MYO15A: variants seen among roughly 807,000 people sequenced by gnomAD.
MYO15A encodes unconventional myosin-XV.
A neutral mutation model predicts 394.6 loss-of-function variants in MYO15A; 308 were observed. The ratio of observed to expected loss-of-function variants is 0.78; its 90% CI spans 0.71 to 0.86. The LOEUF is 0.86. Ranked by LOEUF, MYO15A falls within the 40% of genes least tolerant of loss-of-function variation. The probability of loss-of-function intolerance (pLI) is 0.00; values close to 1 mark genes in which losing one functional copy is unlikely to be tolerated. For synonymous variants in MYO15A, 1,957 were observed against 2,003.8 expected, an observed-to-expected ratio of 0.98 and a Z score of 0.62; for missense variants, 4,606 against 4,799.1, an observed-to-expected ratio of 0.96 and a Z score of 1.19.
At chr17:18,138,299 A>G in intron 17 of MYO15A, 53 bp downstream of exon 17, 2 of 1,592,330 alleles carry the variant, frequency 1.3e-6, no homozygotes, top group Non-Finnish European at 8.5e-7. Context: ...TCTCAGCCTC[A>G]TGTCCTCATC....
At chr17:18,123,185 G>A (rs1047886503) in intron 2 of MYO15A, 1 of 152,318 alleles carries the variant, frequency 6.6e-6, no homozygotes, top group African/African-American at 2.4e-5. Context: ...GGGGCAGCAG[G>A]TGCGTCTCAG....
Position 18,154,119 on chromosome 17 carries a change from C to G in MYO15A, c.8089-12C>G, listed in dbSNP as rs1006663611. Reference sequence around the variant, plus strand: ...CAGTCGGACAGTACCCACTGAAGCCCCGCCCCTGCAGGTGTTTTACCCCAA... The same window carrying G: ...CAGTCGGACAGTACCCACTGAAGCCGCGCCCCTGCAGGTGTTTTACCCCAA... On this transcript the variant is annotated splice_polypyrimidine_tract_variant and intron_variant, in intron 43 of 65. Coordinates refer to ENST00000647165, the MANE Select transcript of MYO15A (RefSeq NM_016239.4). 1 of 1,613,768 alleles carries G rather than the reference C, an allele frequency of 6.2e-7. No individual in the cohort carries two copies. The highest frequency in any genetic ancestry group is 8.5e-7 in the Non-Finnish European group (1 of 1,180,038).
In MYO15A at chr17:18,121,057, G is replaced by A. The variant is rs776096881; in HGVS notation, c.2257G>A (p.Ala753Thr). ...PSFRGSRRRGAAFGFPGASPR... is the reference protein window; with the variant it reads ...PSFRGSRRRGTAFGFPGASPR... ...GTTCAGGGGCTCCCGCCGGAGAGGGGCGGCTTTCGGCTTCCCCGGGGCCTC... is the reference window on the plus strand; with the variant it reads ...GTTCAGGGGCTCCCGCCGGAGAGGGACGGCTTTCGGCTTCCCCGGGGCCTC... The change falls in exon 2 of 66, where the codon GCG becomes ACG. Residue 753 changes from alanine (A) to threonine (T), a missense_variant. Transcript: ENST00000647165. The surrounding 1 kb of genome is among the most constrained non-coding windows in gnomAD (Gnocchi z 5.3). The A allele has an allele frequency of 1.3e-5, 20 of 1,507,756 alleles. No homozygotes were observed. The African/African-American group carries it at 1.7e-4, about 13-fold the overall frequency. 93.4% of individuals were successfully genotyped at this position (1,507,756 alleles called of 1,614,324 possible).
chr17:18,178,796 G>C lies in MYO15A; in HGVS notation c.10519G>C (p.Val3507Leu), dbSNP rs757305709. 1 of 1,613,942 alleles carries C rather than the reference G, an allele frequency of 6.2e-7. No individual in the cohort carries two copies. The highest frequency in any genetic ancestry group is 1.1e-5 in the South Asian group (1 of 91,080). ...ACTGGAACTGTGTCGTGTGGTGGCC[G>C]TGCACGTGGAGAACCTGCTCAGTGC... The part of the protein sequence containing the change: ...QGLELCRVVA[V>L]HVENLLSAHE... Residue 3507 changes from valine to leucine, a missense_variant, in exon 66 of 66, where the codon GTG becomes CTG. This residue lies in a region of MYO15A where 2,776 missense variants were observed against 3,109.3 expected (regional missense o/e 0.89). Coordinates refer to ENST00000647165, the MANE Select transcript of MYO15A (RefSeq NM_016239.4).
chr17:18,148,215 G>A lies in MYO15A; in HGVS notation c.6691+5G>A, dbSNP rs778501293. The A allele has an allele frequency of 1.2e-5, 20 of 1,613,376 alleles. No homozygotes were observed. Among genetic ancestry groups the A allele is most frequent in the Admixed American group, 1.7e-5 (1 of 60,004 alleles). ...TGGACGTGGGCTGCTTCAATGGTAA[G>A]CTGCCTTCCCCCACCTCAGTGAGGG... On this transcript the variant is annotated splice_donor_5th_base_variant and intron_variant, in intron 31 of 65. Transcript: ENST00000647165. This position sits in a 1 kb window ranked among gnomAD's most constrained non-coding sequence, Gnocchi z 4.8.
At chr17:18,133,788 C>G (rs930670565) in intron 12 of MYO15A, among the ~76,000 whole-genome samples, 1 of 151,824 alleles carries the variant, frequency 6.6e-6, no homozygotes, top group African/African-American at 2.4e-5. Flanking sequence ...TCCCGACTGC[C>G]TGGGATTACA....
chr17:18,137,571 A>G lies in MYO15A; in HGVS notation c.4780-13A>G. ...AGGAAGGACCAGTCCCAGCACCCCC[A>G]TCCACCTGGCAGGACCTGAGCTTCA... On this transcript the variant is annotated splice_polypyrimidine_tract_variant and intron_variant, in intron 15 of 65. Transcript: ENST00000647165. The G allele has an allele frequency of 6.2e-7, 1 of 1,612,884 alleles. No homozygotes were observed. Among genetic ancestry groups the G allele is most frequent in the Non-Finnish European group, 8.5e-7 (1 of 1,179,694 alleles).
chr17:18,115,478 C>CACA (rs2045772030), intron 1 of MYO15A, among the ~76,000 whole-genome samples: 1 of 152,058 alleles, frequency 6.6e-6, no homozygotes, highest in Non-Finnish European at 1.5e-5. Flanking sequence ...ATTAGCTGGG[C>CACA]GTGGCGGTGT....
intron 57 of MYO15A, 108 bp downstream of exon 57, chr17:18,161,555 T>A: frequency 1.4e-6 from 2 of 1,475,730 alleles, no homozygotes; most frequent in Non-Finnish European, 1.9e-6. Context: ...TCACAGGTGC[T>A]GAGCAATGTT....
chr17:18,157,931 G>GGGGGGGGGC, intron 51 of MYO15A, 31 bp downstream of exon 51: 4 of 412,708 alleles, frequency 9.7e-6, no homozygotes, highest in East Asian at 6.5e-5. Flanking sequence ...GTGGGGCGGG[G>GGGGGGGGGC]TAGACCAGGG....
Position 18,145,986 on chromosome 17 carries a change from C to T in MYO15A, c.6388C>T (p.Gln2130Ter). The T allele has an allele frequency of 6.2e-7, 1 of 1,613,848 alleles. No homozygotes were observed. The highest frequency in any genetic ancestry group is 1.7e-5 in the Admixed American group (1 of 60,008). The change falls in exon 30 of 66, where the codon CAG becomes TAG. Residue 2130 changes from glutamine (Q) to a stop codon, truncating the protein, a stop_gained. Coordinates refer to ENST00000647165, the MANE Select transcript of MYO15A (RefSeq NM_016239.4). LOFTEE classifies it high-confidence loss of function. ...TGAGCTGCGGGATGAGATCCTGGCACAGCTGGCCAATCAGGTGTGGCACAA... is the reference window on the plus strand; with the variant it reads ...TGAGCTGCGGGATGAGATCCTGGCATAGCTGGCCAATCAGGTGTGGCACAA... ...VPELRDEILAQLANQVWHNHN... is the reference protein window; with the variant it reads ...VPELRDEILA
At chr17:18,129,848 CTGCCCGTGAGA>C (rs2046119733) in intron 7 of MYO15A, among the ~76,000 whole-genome samples, 2 of 152,300 alleles carry the variant, frequency 1.3e-5, no homozygotes, top group South Asian at 4.1e-4. Flanking sequence ...CTGGGCAGCT[CTGCCCGTGAGA>C]TGGTATTCCT....
At chr17:18,137,512 C>A in intron 15 of MYO15A, 72 bp from the exon 16 acceptor site, 1 of 1,409,964 alleles carries the variant, frequency 7.1e-7, no homozygotes, top group Non-Finnish European at 1.0e-6. Flanking sequence ...GAAGTTGCCA[C>A]CAGGGAAGGT....
Position 18,141,718 on chromosome 17 carries a change from T to C in MYO15A, c.5597T>C (p.Leu1866Pro), listed in dbSNP as rs1240823956. ...AATGGGGACATGTGTGTGTCAGTGC[T>C]GAGTCGCCTGTGCAAAGTCATGCCA... ...PANGDMCVSV[L>P]SRLCKVMPNM... Residue 1866 changes from leucine (L) to proline (P), a missense_variant, in exon 23 of 66, where the codon CTG becomes CCG. Physicochemically the swap from Leu to Pro is moderately conservative, Grantham distance 98. Coordinates refer to ENST00000647165, the MANE Select transcript of MYO15A (RefSeq NM_016239.4). 6.2e-7 allele frequency: 1 copy of C among 1,613,994 alleles called. No homozygotes were observed. The highest frequency in any genetic ancestry group is 1.7e-5 in the Admixed American group (1 of 60,004).
chr17:18,165,280 A>T (rs2046836938), intron 60 of MYO15A, among the ~76,000 whole-genome samples: 1 of 152,152 alleles, frequency 6.6e-6, no homozygotes, highest in Non-Finnish European at 1.5e-5. Context: ...AAAAAACATA[A>T]ATATATTACC....
chr17:18,149,754 A>G, intron 35 of MYO15A, 174 bp downstream of exon 35: 2 of 700,954 alleles, frequency 2.9e-6, no homozygotes, highest in Non-Finnish European at 5.0e-6. Context: ...CTTCACAGCT[A>G]GAGATGCTCT....
rs760625450 is a variant in MYO15A at position 18,130,838 on chromosome 17, G to GTGTA, written c.4038+31_4038+32insATGT. The GTGTA allele has an allele frequency of 4.0e-6, 6 of 1,499,714 alleles. No homozygotes were observed. In the African/African-American group the frequency reaches 7.1e-5, roughly 18 times the overall value. The allele number at this position is 1,499,714 out of a possible 1,614,324, so 92.9% of individuals were successfully genotyped here. A position where few individuals can be genotyped will look rare whatever the true frequency, so the allele number is the denominator to read the frequency against. On this transcript the variant is annotated intron_variant, in intron 8 of 65. Coordinates refer to ENST00000647165, the MANE Select transcript of MYO15A (RefSeq NM_016239.4). ...ACTCAGTGTGTGTGTGTGTGTGTGT[G>GTGTA]TGTGTGTGTGTGTGTGTGTGTGTGT...
In MYO15A at chr17:18,127,080, A is replaced by C; in HGVS notation, c.3947A>C (p.Glu1316Ala). The C allele has an allele frequency of 6.2e-7, 1 of 1,614,002 alleles. No individual in the cohort carries two copies. Among genetic ancestry groups the C allele is most frequent in the Non-Finnish European group, 8.5e-7 (1 of 1,180,002 alleles). Reference protein sequence around the residue: ...KQNQCIIISGESGSGKTEATK... With the variant: ...KQNQCIIISGASGSGKTEATK... Reference sequence around the variant, plus strand: ...CTGCCCCTTTGCTCGGTCAGTGGAGAGAGCGGCTCTGGCAAAACTGAGGCC... The same window carrying C: ...CTGCCCCTTTGCTCGGTCAGTGGAGCGAGCGGCTCTGGCAAAACTGAGGCC... Residue 1316 changes from glutamate to alanine, a missense_variant, in exon 7 of 66, where the codon GAG becomes GCG. Physicochemically the swap from Glu to Ala is moderately radical, Grantham distance 107 (BLOSUM62 -1). Coordinates refer to ENST00000647165, the MANE Select transcript of MYO15A (RefSeq NM_016239.4).
intron 3 of MYO15A, 87 bp from the exon 4 acceptor site, chr17:18,125,081 A>G: frequency 2.3e-6 from 3 of 1,280,210 alleles, no homozygotes; most frequent in Non-Finnish European, 3.4e-6. Context: ...GGCCTATCTG[A>G]TCAAGGCACT....
Sources: allele counts gnomAD v4.1 joint callset (sites outside exome capture counted in the v4.1 genomes callset), GRCh38; gene constraint gnomAD v4.1.1; regional missense constraint gnomAD v4.1.1; non-coding constraint Gnocchi (gnomAD v3.1); transcripts MANE v1.5; gene names NCBI Gene and HGNC (gene_info 2026-07-23, HGNC 2026-07-21).